FOXP1: variants seen among roughly 807,000 people sequenced by gnomAD.
FOXP1 encodes the protein forkhead box P1, also known as forkhead box protein P1.
FOXP1 carries 15 observed loss-of-function variants against 98.2 expected under a neutral mutation model. The observed-to-expected ratio is 0.15, with a 90% confidence interval of 0.10 to 0.24. The LOEUF (loss-of-function observed/expected upper bound fraction) is 0.24, where lower values mean the gene tolerates loss of function less well. FOXP1 is among the 10% of genes least tolerant of loss of function. The pLI, the probability that FOXP1 is intolerant of heterozygous loss-of-function variation, is 1.00. For missense variants in FOXP1, 633 were observed against 848.5 expected (o/e 0.75, Z 3.15); for synonymous variants, 371 against 314.5 (o/e 1.18, Z -1.90).
intron 7 of FOXP1, among the ~76,000 whole-genome samples, chr3:71,075,468 A>C (rs1450433285): frequency 1.3e-5 from 2 of 152,222 alleles, no homozygotes; most frequent in East Asian, 3.9e-4. Context: ...GGTACTGTTG[A>C]TCCTCACTCC....
At position 71,174,848 on chromosome 3, in the gene FOXP1, G is replaced by A. The variant is rs994026326; in HGVS notation, c.180+23354C>T. 7.5e-5 allele frequency among the ~76,000 whole-genome samples: 11 copies of A among 146,740 alleles called. No homozygotes were observed. In the East Asian group the frequency reaches 2.2e-3, roughly 29 times the overall value. ...CACACCCCAATATACCCCAGGGTAG[G>A]AAGAGAAGGGTAGAAGAATCAAGGA... is the stretch of plus-strand genomic sequence containing the variant. On this transcript the variant is annotated intron_variant, in intron 6 of 20. Coordinates refer to ENST00000649528, the MANE Select transcript of FOXP1 (RefSeq NM_001349338.3).
rs78261134 is a variant in FOXP1, at chr3:71,196,839, T to C, written c.180+1363A>G. Among the ~76,000 whole-genome samples the C allele has an allele frequency of 9.9e-3, 1,514 of 152,298 alleles. 29 individuals are homozygous for C. Among genetic ancestry groups the C allele is most frequent in the African/African-American group, 0.034 (1,421 of 41,570 alleles). ...AATTCCAGCTGAAGTGAGCCAGTGG[T>C]GCAGGCACAAATGGGTTTGGGCTGC... On this transcript the variant is annotated intron_variant, in intron 6 of 20. Transcript: ENST00000649528.
intron 3 of FOXP1, among the ~76,000 whole-genome samples, chr3:71,410,528 GTCCT>G (rs1394052014): frequency 6.6e-6 from 1 of 152,122 alleles, no homozygotes; most frequent in African/African-American, 2.4e-5. Flanking sequence ...TATAAGCTGT[GTCCT>G]TATGATTATG....
At chr3:71,054,228 C>T (rs2050306115) in intron 7 of FOXP1, among the ~76,000 whole-genome samples, 1 of 152,186 alleles carries the variant, frequency 6.6e-6, no homozygotes, top group South Asian at 2.1e-4. Context: ...AACAACCAAT[C>T]AATGCTTATA....
chr3:71,193,076 C>T (rs1303341927), intron 6 of FOXP1, among the ~76,000 whole-genome samples: 1 of 152,134 alleles, frequency 6.6e-6, no homozygotes, highest in Admixed American at 6.5e-5. Context: ...ATATCAATTC[C>T]TGATTCTCTC....
intron 4 of FOXP1, among the ~76,000 whole-genome samples, chr3:71,309,730 C>T (rs1397944227): frequency 3.3e-5 from 5 of 151,746 alleles, no homozygotes; most frequent in African/African-American, 4.8e-5. Context: ...TTGAATTTTC[C>T]CCACTTCAAT....
intron 13 of FOXP1, among the ~76,000 whole-genome samples, chr3:70,999,780 TAACTC>T (rs2107602582): frequency 6.6e-6 from 1 of 152,362 alleles, no homozygotes; most frequent in African/African-American, 2.4e-5. Flanking sequence ...GTAAATGACT[TAACTC>T]AGTAAAATTC....
intron 5 of FOXP1, among the ~76,000 whole-genome samples, chr3:71,283,727 T>A (rs1056981107): frequency 2.0e-5 from 3 of 152,182 alleles, no homozygotes; most frequent in African/African-American, 7.2e-5. Context: ...AGCCTTTTGG[T>A]TTTTTTATGT....
chr3:71,444,583 G>A (rs1377057940), intron 3 of FOXP1, among the ~76,000 whole-genome samples: 1 of 152,132 alleles, frequency 6.6e-6, no homozygotes, highest in African/African-American at 2.4e-5. Context: ...GCAGATAGGA[G>A]GTTTAATTTG....
chr3:71,049,607 C>T (rs770523884), intron 9 of FOXP1, among the ~76,000 whole-genome samples: 5 of 150,604 alleles, frequency 3.3e-5, no homozygotes, highest in Non-Finnish European at 5.9e-5. Context: ...GATCAGGTGT[C>T]TTATTGCAGA....
intron 3 of FOXP1, among the ~76,000 whole-genome samples, chr3:71,429,558 A>G (rs1022111585): frequency 1.3e-5 from 2 of 152,102 alleles, no homozygotes; most frequent in Admixed American, 6.5e-5. Context: ...ATATTGAAAT[A>G]GAAATAGAAA....
At chr3:71,012,647 G>T (rs1021390299) in intron 12 of FOXP1, among the ~76,000 whole-genome samples, 3 of 152,072 alleles carry the variant, frequency 2.0e-5, no homozygotes. Context: ...GGTAACACAA[G>T]GTATCTCTCT....
At chr3:71,303,150 C>T (rs2073991452) in intron 4 of FOXP1, among the ~76,000 whole-genome samples, 1 of 152,118 alleles carries the variant, frequency 6.6e-6, no homozygotes, top group African/African-American at 2.4e-5. Context: ...GTATTTCCCC[C>T]TTCCCTTTCT....
chr3:71,159,911 A>G (rs1274124535), intron 6 of FOXP1, among the ~76,000 whole-genome samples: 1 of 152,214 alleles, frequency 6.6e-6, no homozygotes, highest in Non-Finnish European at 1.5e-5. Context: ...AATTAGCCCA[A>G]ATGTAAGACA....
At chr3:71,197,933 C>A in intron 6 of FOXP1, 1 of 1,614,198 alleles carries the variant, frequency 6.2e-7, no homozygotes, top group Non-Finnish European at 8.5e-7. Flanking sequence ...GGCTGACACA[C>A]AGGTCCACTC....
At chr3:71,479,850 C>A (rs2090136062) in intron 3 of FOXP1, among the ~76,000 whole-genome samples, 1 of 152,092 alleles carries the variant, frequency 6.6e-6, no homozygotes, top group African/African-American at 2.4e-5. Flanking sequence ...GCTTTTCTAA[C>A]CGAAGTCTCC....
chr3:71,117,454 C>A (rs189636197), intron 6 of FOXP1, among the ~76,000 whole-genome samples: 1 of 152,170 alleles, frequency 6.6e-6, no homozygotes, highest in East Asian at 1.9e-4. Flanking sequence ...ATATCTCAAC[C>A]ACAATTAGAG....
intron 6 of FOXP1, among the ~76,000 whole-genome samples, chr3:71,144,312 G>A (rs1015668992): frequency 6.6e-6 from 1 of 152,192 alleles, no homozygotes; most frequent in Non-Finnish European, 1.5e-5. Context: ...GCTGGAGAAT[G>A]AGCAGTGGAA....
chr3:71,476,442 G>A (rs2089850220), intron 3 of FOXP1, among the ~76,000 whole-genome samples: 1 of 151,994 alleles, frequency 6.6e-6, no homozygotes, highest in Non-Finnish European at 1.5e-5. Context: ...ATGGTGGATG[G>A]AGAGGTGGTG....
Sources: allele counts gnomAD v4.1 joint callset (sites outside exome capture counted in the v4.1 genomes callset), GRCh38; gene constraint gnomAD v4.1.1; transcripts MANE v1.5; gene names NCBI Gene and HGNC (gene_info 2026-07-23, HGNC 2026-07-21).